The following SRPK1 variants were observed in gnomAD, a reference collection of about 807,000 sequenced individuals.
SRPK1 encodes the protein SRSF protein kinase 1, also known as SFRS protein kinase 1.
SRPK1 carries 52 observed loss-of-function variants against 89.5 expected under a neutral mutation model. That is an observed-to-expected ratio of 0.58 (90% CI 0.46 to 0.73). The LOEUF is 0.73. Ranked by LOEUF, SRPK1 falls within the 30% of genes least tolerant of loss-of-function variation. SRPK1 has a pLI of 0.00. For missense variants in SRPK1, 603 were observed against 780.6 expected (o/e 0.77, Z 2.71); for synonymous variants, 255 against 270.2 (o/e 0.94, Z 0.55).
intron 13 of SRPK1, among the ~76,000 whole-genome samples, chr6:35,856,597 A>G (rs923818690): frequency 6.6e-6 from 1 of 152,228 alleles, no homozygotes; most frequent in Non-Finnish European, 1.5e-5. Context: ...ACAGTTATAC[A>G]TAACAGCCAT....
chr6:35,866,214 AT>A (rs1483968435), intron 12 of SRPK1, among the ~76,000 whole-genome samples: 1 of 152,114 alleles, frequency 6.6e-6, no homozygotes, highest in East Asian at 1.9e-4. Context: ...AAATAATAAC[AT>A]GTTGGAGAGG....
intron 2 of SRPK1, among the ~76,000 whole-genome samples, chr6:35,912,009 C>T (rs1387760632): frequency 6.6e-6 from 1 of 151,942 alleles, no homozygotes; most frequent in Non-Finnish European, 1.5e-5. Flanking sequence ...CCTTGAGCAG[C>T]CGCCAGATGA....
In SRPK1 at chr6:35,920,541, G is replaced by A. The variant is rs759602619; in HGVS notation, c.14-13C>T. 28 of 1,612,474 alleles carry A rather than the reference G, an allele frequency of 1.7e-5. No individual in the cohort carries two copies. The highest frequency in any genetic ancestry group is 4.0e-5 in the African/African-American group (3 of 74,880). Reference sequence around the variant, plus strand: ...TGGAGCGCAAGCACTGCAGGAGAGAGGGATGGATGAAGGGCGAATGTGGAG... The same window carrying A: ...TGGAGCGCAAGCACTGCAGGAGAGAAGGATGGATGAAGGGCGAATGTGGAG... On this transcript the variant is annotated splice_polypyrimidine_tract_variant and intron_variant, in intron 1 of 15. Coordinates refer to ENST00000373825, the MANE Select transcript of SRPK1 (RefSeq NM_003137.5).
At chr6:35,841,531 A>T (rs1003633476) in intron 14 of SRPK1, among the ~76,000 whole-genome samples, 2 of 152,156 alleles carry the variant, frequency 1.3e-5, no homozygotes, top group African/African-American at 2.4e-5. Context: ...AAGCTGCCTC[A>T]ACTGTATAAA....
intron 9 of SRPK1, 118 bp from the exon 10 acceptor site, chr6:35,870,612 T>C (rs1770012710): frequency 3.2e-6 from 3 of 936,070 alleles, no homozygotes; most frequent in African/African-American, 1.7e-5. Context: ...TTCCCTAACA[T>C]AGCACTTAAG....
intron 2 of SRPK1, among the ~76,000 whole-genome samples, chr6:35,908,351 A>T (rs1770893655): frequency 6.6e-6 from 1 of 152,222 alleles, no homozygotes; most frequent in Non-Finnish European, 1.5e-5. Flanking sequence ...TGAACAATGA[A>T]GTCCAGGCTG....
intron 2 of SRPK1, among the ~76,000 whole-genome samples, chr6:35,919,709 G>C (rs1162652571): frequency 2.0e-5 from 3 of 152,152 alleles, no homozygotes; most frequent in African/African-American, 7.2e-5. Flanking sequence ...TGCCACGATA[G>C]CACTAAACTA....
chr6:35,839,710 T>C (rs1437994903), intron 14 of SRPK1, among the ~76,000 whole-genome samples: 1 of 151,102 alleles, frequency 6.6e-6, no homozygotes, highest in Admixed American at 6.6e-5. Flanking sequence ...AGATGGAGTC[T>C]TGCTCTGTCG....
chr6:35,874,997 A>G (rs551978739), intron 6 of SRPK1, among the ~76,000 whole-genome samples: 1 of 152,336 alleles, frequency 6.6e-6, no homozygotes, highest in East Asian at 1.9e-4. Context: ...AGATTTTAGT[A>G]GTATCTTGAT....
At chr6:35,907,578 G>A (rs1222511152) in intron 2 of SRPK1, among the ~76,000 whole-genome samples, 1 of 152,040 alleles carries the variant, frequency 6.6e-6, no homozygotes, top group Non-Finnish European at 1.5e-5. Flanking sequence ...GGTGGCACAT[G>A]TCTGTAATCC....
intron 6 of SRPK1, among the ~76,000 whole-genome samples, chr6:35,880,830 A>C (rs987272961): frequency 2.0e-5 from 3 of 150,654 alleles, no homozygotes; most frequent in African/African-American, 7.3e-5. Flanking sequence ...AATTAGATGA[A>C]AGACATGAAT....
intron 2 of SRPK1, among the ~76,000 whole-genome samples, chr6:35,903,238 G>A (rs538134687): frequency 6.2e-4 from 95 of 152,204 alleles, no homozygotes; most frequent in Non-Finnish European, 1.1e-3. Context: ...ACAAGAGGCC[G>A]TGGTGGCTCA....
intron 2 of SRPK1, among the ~76,000 whole-genome samples, chr6:35,915,989 A>AAAAAAAT: frequency 1.1e-5 from 1 of 92,030 alleles, no homozygotes; most frequent in Non-Finnish European, 2.0e-5. Flanking sequence ...AAAAAAAAAA[A>AAAAAAAT]AAATATATAC....
chr6:35,905,399 TA>T (rs540967867), intron 2 of SRPK1, among the ~76,000 whole-genome samples: 7 of 151,440 alleles, frequency 4.6e-5, no homozygotes, highest in African/African-American at 7.3e-5. Flanking sequence ...AGCCATATTC[TA>T]AAAAAAAACC....
intron 12 of SRPK1, among the ~76,000 whole-genome samples, chr6:35,865,321 T>C (rs1482055442): frequency 6.6e-6 from 1 of 152,054 alleles, no homozygotes; most frequent in Non-Finnish European, 1.5e-5. Context: ...ACCTACTATG[T>C]ACCCATTAAA....
At chr6:35,910,415 G>A (rs1770936237) in intron 2 of SRPK1, among the ~76,000 whole-genome samples, 2 of 152,170 alleles carry the variant, frequency 1.3e-5, no homozygotes, top group Admixed American at 1.3e-4. Context: ...TGAGAGGTGA[G>A]GAAGCTGCAG....
intron 2 of SRPK1, among the ~76,000 whole-genome samples, chr6:35,912,509 A>G (rs1311243429): frequency 6.6e-6 from 1 of 152,272 alleles, no homozygotes; most frequent in African/African-American, 2.4e-5. Flanking sequence ...CAAAGTTAAC[A>G]GACTACAGTA....
chr6:35,899,029 C>T (rs763070043), intron 2 of SRPK1, among the ~76,000 whole-genome samples: 20 of 152,038 alleles, frequency 1.3e-4, no homozygotes, highest in Non-Finnish European at 2.1e-4. Context: ...GGCATGGTGG[C>T]GCGTGCCTGT....
At chr6:35,903,333 G>A (rs538749119) in intron 2 of SRPK1, among the ~76,000 whole-genome samples, 2 of 152,154 alleles carry the variant, frequency 1.3e-5, no homozygotes, top group South Asian at 4.2e-4. Context: ...CCAACCTGGT[G>A]AAACCCCACC....
Sources: allele counts gnomAD v4.1 joint callset (sites outside exome capture counted in the v4.1 genomes callset), GRCh38; gene constraint gnomAD v4.1.1; transcripts MANE v1.5; gene names NCBI Gene and HGNC (gene_info 2026-07-23, HGNC 2026-07-21).